The following COL14A1 variants were observed in gnomAD, a reference collection of about 807,000 sequenced individuals.
The protein encoded by COL14A1 is collagen type XIV alpha 1 chain, also known as collagen alpha-1(XIV) chain.
In COL14A1, 136 loss-of-function variants were observed where a neutral mutation model predicts 230.3. The observed-to-expected ratio is 0.59, with a 90% CI of 0.51 to 0.68. The LOEUF (loss-of-function observed/expected upper bound fraction) is 0.68, where lower values mean the gene tolerates loss of function less well. COL14A1 is among the 30% of genes least tolerant of loss of function. COL14A1 has a pLI of 0.00. For missense variants in COL14A1, 1,976 were observed against 2,215.8 expected (o/e 0.89, Z 2.17); for synonymous variants, 792 against 784.1 (o/e 1.01, Z -0.17).
intron 34 of COL14A1, among the ~76,000 whole-genome samples, chr8:120,293,363 T>TA (rs1381959776): frequency 6.6e-6 from 1 of 152,096 alleles, no homozygotes; most frequent in African/African-American, 2.4e-5. Flanking sequence ...GTTAAATTGC[T>TA]AAAAAATATA....
chr8:120,169,709 T>G lies in COL14A1; in HGVS notation c.436+1462T>G, dbSNP rs573650612. Reference sequence around the variant, plus strand: ...AAAAAATTCTTGAAAAATGTTTTACTCTGAATTTTGATGCATTTCTTGGTT... The same window carrying G: ...AAAAAATTCTTGAAAAATGTTTTACGCTGAATTTTGATGCATTTCTTGGTT... On this transcript the variant is annotated intron_variant, in intron 5 of 47. Coordinates refer to ENST00000297848, the MANE Select transcript of COL14A1 (RefSeq NM_021110.4). Among the ~76,000 whole-genome samples, 9 of 152,204 alleles carry G rather than the reference T, an allele frequency of 5.9e-5. No individual in the cohort carries two copies. The East Asian group carries it at 1.7e-3, about 29-fold the overall frequency.
intron 37 of COL14A1, among the ~76,000 whole-genome samples, chr8:120,313,365 CA>C (rs536841710): frequency 6.6e-6 from 1 of 151,574 alleles, no homozygotes; most frequent in Non-Finnish European, 1.5e-5. Flanking sequence ...GTCTCAAAAA[CA>C]AAAAATGAAA....
chr8:120,140,084 G>A (rs773852141), intron 1 of COL14A1, among the ~76,000 whole-genome samples: 3 of 152,046 alleles, frequency 2.0e-5, no homozygotes, highest in Admixed American at 6.6e-5. Context: ...ATAAAAGATA[G>A]ATATTATCTC....
In COL14A1 at chr8:120,306,729, T is replaced by A. The variant is rs1053937750; in HGVS notation, c.4402-3280T>A. The stretch of plus-strand genomic sequence containing the variant: ...GTTAAGGATGAGGTGGAAAGTAAGT[T>A]AGAAGTGTAAAGTGGTCCCTGGCTT... On this transcript the variant is annotated intron_variant, in intron 36 of 47. Coordinates refer to ENST00000297848, the MANE Select transcript of COL14A1 (RefSeq NM_021110.4). Among the ~76,000 whole-genome samples the A allele has an allele frequency of 2.0e-5, 3 of 152,304 alleles. No homozygotes were observed. The East Asian group carries it at 5.8e-4, about 29-fold the overall frequency.
chr8:120,204,476 C>G (rs1817367016), intron 9 of COL14A1, among the ~76,000 whole-genome samples: 1 of 152,160 alleles, frequency 6.6e-6, no homozygotes, highest in Non-Finnish European at 1.5e-5. Flanking sequence ...CCTGGAGATT[C>G]ATCCAAGTCG....
chr8:120,255,378 C>A, intron 23 of COL14A1, 22 bp downstream of exon 23: 4 of 1,540,460 alleles, frequency 2.6e-6, no homozygotes, highest in Non-Finnish European at 3.6e-6. Flanking sequence ...CCATCACTTA[C>A]GTTTTTGTCA....
chr8:120,147,131 TTTC>T (rs1037285501), intron 1 of COL14A1, among the ~76,000 whole-genome samples: 1 of 152,030 alleles, frequency 6.6e-6, no homozygotes, highest in Non-Finnish European at 1.5e-5. Context: ...AATTATACCC[TTTC>T]TTTTTTCTTC....
chr8:120,262,814 T>G, intron 23 of COL14A1, 54 bp from the exon 24 acceptor site: 1 of 1,556,514 alleles, frequency 6.4e-7, no homozygotes. Flanking sequence ...CCAATGGCTG[T>G]GTTTCAAAAA....
intron 5 of COL14A1, among the ~76,000 whole-genome samples, chr8:120,174,316 G>A (rs950148618): frequency 2.0e-5 from 3 of 151,282 alleles, no homozygotes; most frequent in African/African-American, 7.3e-5. Context: ...GGTGAAATCT[G>A]TGGAAGCCTC....
chr8:120,222,590 C>A (rs1817964144), intron 14 of COL14A1, among the ~76,000 whole-genome samples: 1 of 152,282 alleles, frequency 6.6e-6, no homozygotes, highest in East Asian at 1.9e-4. Flanking sequence ...TGGTACAGTA[C>A]AATGACAGCT....
In COL14A1 at chr8:120,209,808, C is replaced by T; in HGVS notation, c.1374C>T (p.Ser458=). 6.2e-7 allele frequency: 1 copy of T among 1,613,894 alleles called. No individual in the cohort carries two copies. ...DLLLYDVTEN[S]MRVKWDAVPG... ...TACTGTACGACGTGACTGAGAACAG[C>T]ATGCGAGTCAAATGGGATGCAGTGC... The change falls in exon 12 of 48, where the codon AGC becomes AGT. Residue 458 remains serine (S), a synonymous_variant. Transcript: ENST00000297848.
chr8:120,253,463 G>A (rs949238410), intron 22 of COL14A1, among the ~76,000 whole-genome samples: 1 of 152,004 alleles, frequency 6.6e-6, no homozygotes, highest in Non-Finnish European at 1.5e-5. Flanking sequence ...TGAGATTGTT[G>A]AATTGTTTTA....
chr8:120,235,815 T>A (rs554321067), intron 19 of COL14A1, among the ~76,000 whole-genome samples: 40 of 152,358 alleles, frequency 2.6e-4, no homozygotes, highest in African/African-American at 9.1e-4. Flanking sequence ...TGGTACATTG[T>A]GTCTTTGTTC....
In COL14A1 at chr8:120,345,431, A is replaced by G. The variant is rs764224264; in HGVS notation, c.4945A>G (p.Ile1649Val). ...LNQIPSHSSS[I>V]RTVQGPPGEP... ...CCAGATTCCCAGCCACTCCTCATCC[A>G]TCCGGACTGTCCAAGGGCCTCCTGG... The change falls in exon 45 of 48, where the codon ATC (isoleucine) becomes GTC (valine). Residue 1649 changes from isoleucine to valine, a missense_variant. Coordinates refer to ENST00000297848, the MANE Select transcript of COL14A1 (RefSeq NM_021110.4). 19 of 1,603,026 alleles carry G rather than the reference A, an allele frequency of 1.2e-5. No individual in the cohort carries two copies. The highest frequency in any genetic ancestry group is 1.6e-5 in the Non-Finnish European group (19 of 1,175,234).
At chr8:120,321,164 A>G (rs1209977175) in intron 40 of COL14A1, among the ~76,000 whole-genome samples, 3 of 152,174 alleles carry the variant, frequency 2.0e-5, no homozygotes, top group Non-Finnish European at 2.9e-5. Flanking sequence ...TGCGCCCAGC[A>G]TTTTGGGGCA....
At chr8:120,363,591 T>A (rs1823304973) in intron 45 of COL14A1, among the ~76,000 whole-genome samples, 1 of 152,128 alleles carries the variant, frequency 6.6e-6, no homozygotes, top group South Asian at 2.1e-4. Flanking sequence ...GTAAAATAAA[T>A]TAAAAAATAA....
intron 5 of COL14A1, among the ~76,000 whole-genome samples, chr8:120,177,973 A>G (rs1204624873): frequency 1.3e-5 from 2 of 152,126 alleles, no homozygotes; most frequent in East Asian, 3.9e-4. Flanking sequence ...GAGCCAAATA[A>G]GAAGAAAAGG....
chr8:120,355,200 C>A (rs979778068), intron 45 of COL14A1, among the ~76,000 whole-genome samples: 1 of 152,076 alleles, frequency 6.6e-6, no homozygotes, highest in African/African-American at 2.4e-5. Flanking sequence ...AATTACAGAT[C>A]GTTTTCTTTT....
intron 5 of COL14A1, among the ~76,000 whole-genome samples, chr8:120,183,761 C>T (rs1454878070): frequency 6.6e-6 from 1 of 152,200 alleles, no homozygotes; most frequent in Non-Finnish European, 1.5e-5. Flanking sequence ...TTATTCATCC[C>T]AGGTCGAATA....
Sources: gnomAD v4.1 joint callset for allele counts (sites outside exome capture counted in the v4.1 genomes callset) on GRCh38, gnomAD v4.1.1 for gene constraint, MANE v1.5 for transcripts, NCBI Gene and HGNC (gene_info 2026-07-23, HGNC 2026-07-21) for gene names.